Variants in ZNF362 observed in about 807,000 individuals in gnomAD.
ZNF362 encodes rotund homolog.
In ZNF362, 11 loss-of-function variants were observed where a neutral mutation model predicts 42.9. The ratio of observed to expected loss-of-function variants is 0.26; its 90% CI spans 0.16 to 0.42. The LOEUF is 0.42. ZNF362 is among the 20% of genes least tolerant of loss of function. The pLI, the probability that ZNF362 is intolerant of heterozygous loss-of-function variation, is 1.00. For missense variants in ZNF362, 362 were observed against 576.2 expected (o/e 0.63, Z 3.81); for synonymous variants, 255 against 257.3 (o/e 0.99, Z 0.09).
chr1:33,180,001 T>A, the ZNF362 span, among the ~76,000 whole-genome samples: 4 of 152,180 alleles, frequency 2.6e-5, no homozygotes, highest in Non-Finnish European at 5.9e-5. Flanking sequence ...TGTTTGTTTG[T>A]TTGTTTGTTT....
chr1:33,278,462 T>C (rs1284722817), intron 4 of ZNF362, among the ~76,000 whole-genome samples: 1 of 152,262 alleles, frequency 6.6e-6, no homozygotes, highest in African/African-American at 2.4e-5. Context: ...AATTTTCATA[T>C]GTTTATAATT....
chr1:33,168,569 G>A, the ZNF362 span, among the ~76,000 whole-genome samples: 2 of 152,212 alleles, frequency 1.3e-5, no homozygotes, highest in Admixed American at 6.5e-5. Flanking sequence ...CTTTCCTAGA[G>A]ACTTGTCTTA....
the ZNF362 span, among the ~76,000 whole-genome samples, chr1:33,143,543 T>A: frequency 6.6e-6 from 1 of 152,090 alleles, no homozygotes; most frequent in Non-Finnish European, 1.5e-5. Flanking sequence ...CAGAGACCTC[T>A]CCACCCACCC....
chr1:33,254,074 T>A (rs1311662210), upstream of ZNF362, among the ~76,000 whole-genome samples: 1 of 151,838 alleles, frequency 6.6e-6, no homozygotes, highest in East Asian at 1.9e-4. Context: ...ATAACTAAAT[T>A]CCATAGTTTA....
chr1:33,206,787 C>A, the ZNF362 span, among the ~76,000 whole-genome samples: 1 of 152,094 alleles, frequency 6.6e-6, no homozygotes, highest in African/African-American at 2.4e-5. Context: ...CTTTCAGACA[C>A]TTAAATAATA....
At chr1:33,188,567 G>A in the ZNF362 span, among the ~76,000 whole-genome samples, 1 of 152,206 alleles carries the variant, frequency 6.6e-6, no homozygotes. Flanking sequence ...TGGGTCCAGT[G>A]TAATCAACTG....
chr1:33,245,134 C>T, the ZNF362 span, among the ~76,000 whole-genome samples: 1 of 152,144 alleles, frequency 6.6e-6, no homozygotes. Flanking sequence ...GTGCTCAGGT[C>T]CACCATCAAG....
chr1:33,290,172 G>T (rs1276399318), intron 6 of ZNF362, among the ~76,000 whole-genome samples: 1 of 152,104 alleles, frequency 6.6e-6, no homozygotes, highest in Non-Finnish European at 1.5e-5. Context: ...GTATACATGT[G>T]CCATGTTGGT....
intron 2 of ZNF362, chr1:33,274,836 C>T (rs936921366): frequency 6.5e-6 from 4 of 618,972 alleles, no homozygotes; most frequent in African/African-American, 2.0e-5. Context: ...CTCTGAGCCT[C>T]AGTTTCTTCA....
chr1:33,210,139 T>C, the ZNF362 span, among the ~76,000 whole-genome samples: 4 of 152,324 alleles, frequency 2.6e-5, no homozygotes, highest in South Asian at 8.3e-4. Context: ...TTTGTTCTTA[T>C]TGGTTTCAAA....
the ZNF362 span, among the ~76,000 whole-genome samples, chr1:33,216,871 G>A: frequency 6.6e-6 from 1 of 151,788 alleles, no homozygotes; most frequent in African/African-American, 2.4e-5. Context: ...TGGAGGGTGG[G>A]TTCACATCAC....
Position 33,294,263 on chromosome 1 carries a change from A to G in ZNF362, c.909-674A>G, listed in dbSNP as rs1297271026. ...GATGAGATAGGAACTGTATTTTTAT[A>G]CCCATTTTGCAGATGAGGAAACTGA... On this transcript the variant is annotated intron_variant, in intron 6 of 8. Transcript: ENST00000539719. The surrounding 1 kb of genome is among the most constrained non-coding windows in gnomAD (Gnocchi z 4.2). Among the ~76,000 whole-genome samples the G allele has an allele frequency of 1.3e-5, 2 of 152,102 alleles. No homozygotes were observed. The highest frequency in any genetic ancestry group is 2.9e-5 in the Non-Finnish European group (2 of 68,016).
intron 2 of ZNF362, among the ~76,000 whole-genome samples, chr1:33,271,852 G>A (rs1645906707): frequency 6.6e-6 from 1 of 152,208 alleles, no homozygotes; most frequent in South Asian, 2.1e-4. Flanking sequence ...CTGTGAGCTG[G>A]GGGTGACCAG....
rs755607332 is a variant in ZNF362, at chr1:33,281,860, C to T, written c.908+49C>T. ...GCTGCAGCCCGACTCAGCTCAGCAC[C>T]CGTGGCCTGGCACATGGAGCCAGTG... On this transcript the variant is annotated intron_variant, in intron 6 of 8. Coordinates refer to ENST00000539719, the MANE Select transcript of ZNF362 (RefSeq NM_152493.3). The surrounding 1 kb of genome is among the most constrained non-coding windows in gnomAD (Gnocchi z 4.8). 2.5e-6 allele frequency: 4 copies of T among 1,594,626 alleles called. No individual in the cohort carries two copies. Among genetic ancestry groups the T allele is most frequent in the African/African-American group, 2.7e-5 (2 of 74,730 alleles).
chr1:33,280,205 C>T lies in ZNF362; in HGVS notation c.431C>T (p.Thr144Ile). The change falls in exon 5 of 9, where the codon ACC (threonine) becomes ATC (isoleucine). Residue 144 changes from threonine (T) to isoleucine (I), a missense_variant. Around this residue, in one of 3 missense-constraint regions of ZNF362, gnomAD observed 266 missense variants for 365.4 expected, o/e 0.73. Coordinates refer to ENST00000539719, the MANE Select transcript of ZNF362 (RefSeq NM_152493.3). The surrounding 1 kb of genome is among the most constrained non-coding windows in gnomAD (Gnocchi z 5.6). ...AGAGTGTGTS[T>I]PSTPTTTSQS... ...GCGGGCACGGGCACGGGTACCAGCA[C>T]CCCGTCCACACCCACCACCACCAGC... 6.2e-7 allele frequency: 1 copy of T among 1,613,696 alleles called. No homozygotes were observed. The highest frequency in any genetic ancestry group is 8.5e-7 in the Non-Finnish European group (1 of 1,179,726).
the ZNF362 span, among the ~76,000 whole-genome samples, chr1:33,199,482 A>T: frequency 6.6e-6 from 1 of 152,168 alleles, no homozygotes; most frequent in Non-Finnish European, 1.5e-5. Context: ...CAAAAACTGA[A>T]AGAATTTATC....
At chr1:33,136,936 G>A in the ZNF362 span, among the ~76,000 whole-genome samples, 1 of 151,606 alleles carries the variant, frequency 6.6e-6, no homozygotes, top group Non-Finnish European at 1.5e-5. Context: ...GGCAGAGGTT[G>A]CAGTGAGCTG....
intron 6 of ZNF362, among the ~76,000 whole-genome samples, chr1:33,291,269 A>C (rs1646076284): frequency 6.6e-6 from 1 of 152,184 alleles, no homozygotes; most frequent in African/African-American, 2.4e-5. Context: ...ATCCAGTTTC[A>C]GCTTTCTACA....
intron 1 of ZNF362, among the ~76,000 whole-genome samples, chr1:33,263,126 A>C (rs576199531): frequency 8.3e-4 from 126 of 152,314 alleles, no homozygotes; most frequent in African/African-American, 3.0e-3. Flanking sequence ...GCACATGCTT[A>C]TTTACACTTG....
Sources: gnomAD v4.1 joint callset for allele counts (sites outside exome capture counted in the v4.1 genomes callset) on GRCh38, gnomAD v4.1.1 for gene constraint, gnomAD v4.1.1 regional missense constraint, Gnocchi (gnomAD v3.1) non-coding constraint, MANE v1.5 for transcripts, NCBI Gene and HGNC (gene_info 2026-07-23, HGNC 2026-07-21) for gene names.